FHAD1: variants seen among roughly 807,000 people sequenced by gnomAD.
FHAD1 encodes forkhead-associated domain-containing protein 1.
In FHAD1, 146 loss-of-function variants were observed where a neutral mutation model predicts 191.3. The observed-to-expected ratio is 0.76, with a 90% CI of 0.67 to 0.88. The LOEUF (loss-of-function observed/expected upper bound fraction) is 0.88. FHAD1 is among the 40% of genes least tolerant of loss of function. The probability of loss-of-function intolerance (pLI) is 0.00; values close to 1 mark genes in which losing one functional copy is unlikely to be tolerated. For missense variants in FHAD1, 1,635 were observed against 1,785.8 expected (o/e 0.92, Z 1.52); for synonymous variants, 616 against 672.3 (o/e 0.92, Z 1.29).
chr1:15,273,320 C>CT (rs1349753272), intron 3 of FHAD1, among the ~76,000 whole-genome samples: 4 of 152,020 alleles, frequency 2.6e-5, no homozygotes, highest in South Asian at 2.1e-4. Flanking sequence ...AACTATGCTG[C>CT]TTTTTTTTAA....
chr1:15,305,518 T>C (rs1256172020), intron 6 of FHAD1, among the ~76,000 whole-genome samples: 2 of 152,168 alleles, frequency 1.3e-5, no homozygotes, highest in Non-Finnish European at 2.9e-5. Context: ...CTCTGAGTCT[T>C]GATTTCCTCA....
chr1:15,373,509 C>CA (rs35860053), intron 26 of FHAD1, among the ~76,000 whole-genome samples: 46,497 of 142,478 alleles, frequency 0.33, 8,304 homozygotes, highest in African/African-American at 0.51. Context: ...AAGACTCCGT[C>CA]AAAAAAAAAA....
rs373530305 is a variant in FHAD1, at chr1:15,360,712, G to C, written c.2962+9G>C. 2 of 1,549,042 alleles carry C rather than the reference G, an allele frequency of 1.3e-6. No individual in the cohort carries two copies. The highest frequency in any genetic ancestry group is 1.2e-5 in the South Asian group (1 of 84,002). ...GAAGGACAATGACCCAGGTAAGTCC[G>C]AAGGGAGGCCAAGGAAATCTTAGTG... On this transcript the variant is annotated intron_variant, in intron 22 of 33. Coordinates refer to ENST00000688493, the MANE Select transcript of FHAD1 (RefSeq NM_001391957.1).
In FHAD1 at chr1:15,325,029, C is replaced by T. The variant is rs561522265; in HGVS notation, c.1473+470C>T. On this transcript the variant is annotated intron_variant, in intron 11 of 33. Coordinates refer to ENST00000688493, the MANE Select transcript of FHAD1 (RefSeq NM_001391957.1). The surrounding 1 kb of genome is among the most constrained non-coding windows in gnomAD (Gnocchi z 4.6). The stretch of plus-strand genomic sequence containing the variant: ...AGTGCGTGCTGGATGGAGAAGCTCC[C>T]GGCTGTGGGTGAGCCACTCCGACCT... The T allele has an allele frequency of 7.0e-4, 114 of 162,416 alleles. No homozygotes were observed. Among genetic ancestry groups the T allele is most frequent in the African/African-American group, 2.2e-3 (93 of 41,968 alleles). 10.1% of individuals were successfully genotyped at this position (162,416 alleles called of 1,614,324 possible). A position where few individuals can be genotyped will look rare whatever the true frequency, so the allele number is the denominator to read the frequency against.
chr1:15,328,270 T>TC lies in FHAD1; in HGVS notation c.1558-6dup. On this transcript the variant is annotated splice_region_variant and splice_polypyrimidine_tract_variant and intron_variant, in intron 12 of 33. Transcript: ENST00000688493. ...TTTTTTTTTTTCCTTTTTCTTTTTC[T>TC]CACCAGTTAATAGAGAAAATTACCC... The TC allele has an allele frequency of 6.9e-7, 1 of 1,446,766 alleles. No individual in the cohort carries two copies. Among genetic ancestry groups the TC allele is most frequent in the Non-Finnish European group, 9.1e-7 (1 of 1,095,892 alleles). The allele number at this position is 1,446,766 out of a possible 1,614,324, so 89.6% of individuals were successfully genotyped here.
At chr1:15,308,788 T>C (rs1671357417) in intron 7 of FHAD1, 52 bp downstream of exon 7, 1 of 1,549,446 alleles carries the variant, frequency 6.5e-7, no homozygotes, top group Non-Finnish European at 8.7e-7. Flanking sequence ...CCCGTTGTTC[T>C]TGGCCACAGC....
At chr1:15,295,874 T>C (rs535236773) in intron 4 of FHAD1, among the ~76,000 whole-genome samples, 88 of 152,364 alleles carry the variant, frequency 5.8e-4, no homozygotes, top group African/African-American at 2.1e-3. Flanking sequence ...TGTGAATAAC[T>C]GTGGCCACAT....
intron 1 of FHAD1, among the ~76,000 whole-genome samples, chr1:15,250,978 T>A (rs1018677477): frequency 2.0e-5 from 3 of 152,152 alleles, no homozygotes; most frequent in Non-Finnish European, 4.4e-5. Flanking sequence ...TCTAGATACC[T>A]CACGTATATT....
chr1:15,380,850 G>A, intron 29 of FHAD1, 54 bp downstream of exon 29: 1 of 1,346,192 alleles, frequency 7.4e-7, no homozygotes, highest in Non-Finnish European at 1.0e-6. Context: ...GGCCCCTGCA[G>A]TCAGTGTTGA....
intron 31 of FHAD1, chr1:15,383,921 A>G: frequency 2.4e-6 from 1 of 424,400 alleles, no homozygotes; most frequent in Non-Finnish European, 4.7e-6. Context: ...TGCTGTCTGC[A>G]GGGTTGGCCG....
At chr1:15,323,076 G>A (rs571691105) in intron 10 of FHAD1, among the ~76,000 whole-genome samples, 1 of 152,262 alleles carries the variant, frequency 6.6e-6, no homozygotes, top group African/African-American at 2.4e-5. Flanking sequence ...GGGAAAGTCC[G>A]GCCCCCATGA....
At chr1:15,397,020 T>TAAAAAAAAA (rs5772637) in intron 33 of FHAD1, among the ~76,000 whole-genome samples, 2 of 115,922 alleles carry the variant, frequency 1.7e-5, no homozygotes, top group Admixed American at 9.2e-5. Context: ...CCGTCTCTAC[T>TAAAAAAAAA]AAAAAAAAAA....
chr1:15,243,474 C>T (rs1424191048), upstream of FHAD1, among the ~76,000 whole-genome samples: 1 of 152,232 alleles, frequency 6.6e-6, no homozygotes, highest in East Asian at 1.9e-4. Context: ...CACACCTCTC[C>T]TGGCCGCGGC....
At position 15,327,453 on chromosome 1, in the gene FHAD1, C is replaced by T. The variant is rs139098611; in HGVS notation, c.1557+311C>T. 2,292 of 279,172 alleles carry T rather than the reference C, an allele frequency of 8.2e-3. 21 individuals carry two copies. The highest frequency in any genetic ancestry group is 9.8e-3 in the Non-Finnish European group (1,452 of 148,372). 17.3% of individuals were successfully genotyped at this position (279,172 alleles called of 1,614,324 possible). On this transcript the variant is annotated intron_variant, in intron 12 of 33. Transcript: ENST00000688493. This position sits in a 1 kb window ranked among gnomAD's most constrained non-coding sequence, Gnocchi z 5.1. The stretch of plus-strand genomic sequence containing the variant: ...AGAAAGGGAGCCGCCTCCCCACAGC[C>T]AGTGCGTTCTGGCGCGTTCCTTCAG...
At chr1:15,368,084 G>A (rs1295948592) in intron 25 of FHAD1, among the ~76,000 whole-genome samples, 1 of 152,118 alleles carries the variant, frequency 6.6e-6, no homozygotes, top group African/African-American at 2.4e-5. Flanking sequence ...CCATTCTCTT[G>A]CCTCAGCCTC....
At chr1:15,369,532 A>T in intron 26 of FHAD1, 30 bp downstream of exon 26, 1 of 1,550,240 alleles carries the variant, frequency 6.5e-7, no homozygotes, top group Non-Finnish European at 8.7e-7. Flanking sequence ...GGGTACTGGA[A>T]GGATGTGCAA....
In FHAD1 at chr1:15,353,723, A is replaced by G. The variant is rs1159641784; in HGVS notation, c.2562+739A>G. On this transcript the variant is annotated intron_variant, in intron 20 of 33. Coordinates refer to ENST00000688493, the MANE Select transcript of FHAD1 (RefSeq NM_001391957.1). ...CCATCTCAAAAAAAAAAAAAAAAAA[A>G]AAAGAAAAGAAAAAAAAAAAAAGAG... Among the ~76,000 whole-genome samples, 8 of 144,536 alleles carry G rather than the reference A, an allele frequency of 5.5e-5. No homozygotes were observed. In the East Asian group the frequency reaches 5.8e-4, roughly 11 times the overall value. The allele number at this position is 144,536 out of a possible 152,430, so 94.8% of individuals were successfully genotyped here.
chr1:15,294,095 CCT>C (rs1316803769), intron 4 of FHAD1, among the ~76,000 whole-genome samples: 1 of 152,118 alleles, frequency 6.6e-6, no homozygotes, highest in African/African-American at 2.4e-5. Flanking sequence ...GAGGAGTTCC[CCT>C]GTGTCAGACC....
At chr1:15,284,262 C>T (rs1228521583) in intron 3 of FHAD1, among the ~76,000 whole-genome samples, 3 of 152,052 alleles carry the variant, frequency 2.0e-5, no homozygotes, top group South Asian at 2.1e-4. Flanking sequence ...GGGCGGATCA[C>T]GAGGTTAGGA....
Sources: allele counts gnomAD v4.1 joint callset (sites outside exome capture counted in the v4.1 genomes callset), GRCh38; gene constraint gnomAD v4.1.1; non-coding constraint Gnocchi (gnomAD v3.1); transcripts MANE v1.5; gene names NCBI Gene and HGNC (gene_info 2026-07-23, HGNC 2026-07-21).